The following RAP1GDS1 variants were observed in gnomAD, a reference collection of about 807,000 sequenced individuals.
The protein encoded by RAP1GDS1 is Rap1 GTPase-GDP dissociation stimulator 1.
Under a neutral mutation model 71.1 loss-of-function variants are expected in RAP1GDS1, and 35 were observed. That is an observed-to-expected ratio of 0.49 (90% CI 0.38 to 0.65). The LOEUF (loss-of-function observed/expected upper bound fraction) is 0.65, where lower values mean the gene tolerates loss of function less well. Ranked by LOEUF, RAP1GDS1 falls within the 30% of genes least tolerant of loss-of-function variation. The pLI is 0.00. For synonymous variants in RAP1GDS1, 229 were observed against 243.1 expected, an observed-to-expected ratio of 0.94 and a Z score of 0.54; for missense variants, 663 against 706.1, an observed-to-expected ratio of 0.94 and a Z score of 0.69.
At chr4:98,306,209 C>T (rs1443766739) in intron 2 of RAP1GDS1, among the ~76,000 whole-genome samples, 1 of 152,140 alleles carries the variant, frequency 6.6e-6, no homozygotes. Context: ...TAACAGAATA[C>T]CACACACCGG....
intron 7 of RAP1GDS1, among the ~76,000 whole-genome samples, chr4:98,410,909 T>C (rs1308277528): frequency 6.6e-6 from 1 of 152,316 alleles, no homozygotes; most frequent in African/African-American, 2.4e-5. Flanking sequence ...GGGTTTGTTA[T>C]CAGAAACAGA....
chr4:98,438,702 C>T (rs763996435), intron 14 of RAP1GDS1, among the ~76,000 whole-genome samples: 3 of 148,460 alleles, frequency 2.0e-5, no homozygotes, highest in African/African-American at 7.5e-5. Context: ...AAGTGATTCT[C>T]ATGCCTCAGC....
At chr4:98,363,308 C>A (rs1739015409) in intron 4 of RAP1GDS1, among the ~76,000 whole-genome samples, 1 of 151,416 alleles carries the variant, frequency 6.6e-6, no homozygotes, top group South Asian at 2.1e-4. Flanking sequence ...GGCAACACAG[C>A]AAGACTCTGT....
intron 4 of RAP1GDS1, among the ~76,000 whole-genome samples, chr4:98,367,650 G>A (rs1739706464): frequency 6.6e-6 from 1 of 152,218 alleles, no homozygotes; most frequent in Non-Finnish European, 1.5e-5. Flanking sequence ...CCTACCTCTT[G>A]CATCAGCGTG....
At chr4:98,313,388 G>A (rs1730537850) in intron 2 of RAP1GDS1, among the ~76,000 whole-genome samples, 1 of 152,146 alleles carries the variant, frequency 6.6e-6, no homozygotes, top group Non-Finnish European at 1.5e-5. Context: ...ATAATGTTTG[G>A]CCAAATGCCT....
intron 2 of RAP1GDS1, among the ~76,000 whole-genome samples, chr4:98,337,900 A>T (rs1273750701): frequency 6.6e-6 from 1 of 152,206 alleles, no homozygotes; most frequent in African/African-American, 2.4e-5. Flanking sequence ...GATGTGCTTG[A>T]ATGTTTAATG....
At chr4:98,302,511 A>G (rs9991668) in intron 2 of RAP1GDS1, among the ~76,000 whole-genome samples, 6,357 of 152,268 alleles carry the variant, frequency 0.042, 309 homozygotes, top group African/African-American at 0.12. Context: ...CATACATGCA[A>G]TTGGAATTCA....
chr4:98,404,157 C>A (rs1480075393), intron 6 of RAP1GDS1, among the ~76,000 whole-genome samples: 2 of 152,062 alleles, frequency 1.3e-5, no homozygotes, highest in African/African-American at 4.8e-5. Flanking sequence ...ACCTTTAATT[C>A]ATCCATATAA....
intron 1 of RAP1GDS1, among the ~76,000 whole-genome samples, chr4:98,276,484 C>CT (rs755154216): frequency 0.038 from 5,337 of 141,810 alleles, 167 homozygotes; most frequent in African/African-American, 0.095. Context: ...TTTACATACC[C>CT]TTTTTTTTTT....
chr4:98,369,081 G>T (rs1739966151), intron 4 of RAP1GDS1, among the ~76,000 whole-genome samples: 4 of 152,174 alleles, frequency 2.6e-5, no homozygotes. Context: ...GAGAGCTTGT[G>T]CAGGGGAACT....
chr4:98,392,136 A>T, intron 6 of RAP1GDS1, 56 bp downstream of exon 6: 2 of 1,474,544 alleles, frequency 1.4e-6, no homozygotes, highest in Non-Finnish European at 9.2e-7. Context: ...GCTTACAATA[A>T]ATTTTTCTGT....
intron 7 of RAP1GDS1, among the ~76,000 whole-genome samples, chr4:98,406,491 AT>A (rs935888052): frequency 3.3e-5 from 5 of 152,028 alleles, no homozygotes; most frequent in African/African-American, 9.7e-5. Context: ...TAGAAAAAAA[AT>A]AACCGTTATA....
intron 1 of RAP1GDS1, among the ~76,000 whole-genome samples, chr4:98,277,585 A>G (rs1308311025): frequency 1.3e-5 from 2 of 152,008 alleles, no homozygotes; most frequent in East Asian, 1.9e-4. Flanking sequence ...GTCATTTTTC[A>G]TAGTCTAACT....
At chr4:98,419,784 T>G (rs180674849) in intron 10 of RAP1GDS1, among the ~76,000 whole-genome samples, 1 of 152,366 alleles carries the variant, frequency 6.6e-6, no homozygotes, top group East Asian at 1.9e-4. Context: ...AAAGCCATGA[T>G]ACTGTCATAA....
intron 3 of RAP1GDS1, among the ~76,000 whole-genome samples, chr4:98,348,413 G>T (rs1736633761): frequency 6.6e-6 from 1 of 152,154 alleles, no homozygotes. Flanking sequence ...TATGAATAGT[G>T]CCACAGTAAA....
chr4:98,392,894 C>CAA (rs1743934627), intron 6 of RAP1GDS1, among the ~76,000 whole-genome samples: 1 of 152,002 alleles, frequency 6.6e-6, no homozygotes, highest in African/African-American at 2.4e-5. Context: ...ATTCAGAAGG[C>CAA]AAACAAAACC....
At chr4:98,409,793 A>C (rs1746748149) in intron 7 of RAP1GDS1, 2 of 368,518 alleles carry the variant, frequency 5.4e-6, no homozygotes. Flanking sequence ...AGGCTTCTAG[A>C]CTATTAAAAA....
chr4:98,261,903 C>A (rs1316814750), intron 1 of RAP1GDS1, among the ~76,000 whole-genome samples: 1 of 152,122 alleles, frequency 6.6e-6, no homozygotes, highest in African/African-American at 2.4e-5. Flanking sequence ...TCTGCAGCTC[C>A]ATCCCCGTTT....
At chr4:98,371,627 C>G (rs1223655329) in intron 4 of RAP1GDS1, among the ~76,000 whole-genome samples, 1 of 151,920 alleles carries the variant, frequency 6.6e-6, no homozygotes, top group African/African-American at 2.4e-5. Context: ...TAGACACACG[C>G]CACCATGCCT....
Sources: gnomAD v4.1 joint callset for allele counts (sites outside exome capture counted in the v4.1 genomes callset) on GRCh38, gnomAD v4.1.1 for gene constraint, MANE v1.5 for transcripts, NCBI Gene and HGNC (gene_info 2026-07-23, HGNC 2026-07-21) for gene names.